Variants in BRIP1 observed in about 807,000 individuals in gnomAD.
The protein encoded by BRIP1 is Fanconi anemia group J protein.
A neutral mutation model predicts 119.7 loss-of-function variants in BRIP1; 88 were observed. That is an observed-to-expected ratio of 0.74 (90% confidence interval 0.62 to 0.88). BRIP1 has a LOEUF of 0.88. BRIP1 is among the 40% of genes least tolerant of loss of function. The probability of loss-of-function intolerance (pLI) is 0.00; values close to 1 mark genes in which losing one functional copy is unlikely to be tolerated. For missense variants in BRIP1, 1,259 were observed against 1,455.4 expected (o/e 0.87, Z 2.20); for synonymous variants, 443 against 496.5 (o/e 0.89, Z 1.43).
intron 14 of BRIP1, among the ~76,000 whole-genome samples, chr17:61,765,379 T>TTCTA (rs2077340503): frequency 2.6e-5 from 1 of 37,740 alleles, no homozygotes; most frequent in Non-Finnish European, 4.5e-5. Context: ...TGTGTATATA[T>TTCTA]TATATATATA....
intron 6 of BRIP1, among the ~76,000 whole-genome samples, chr17:61,837,966 ATTT>A (rs1480415123): frequency 6.6e-6 from 1 of 152,172 alleles, no homozygotes; most frequent in Non-Finnish European, 1.5e-5. Flanking sequence ...AAACTAAATG[ATTT>A]TCATAAAAAC....
At chr17:61,711,732 G>T (rs1001317457) in intron 17 of BRIP1, among the ~76,000 whole-genome samples, 1 of 152,136 alleles carries the variant, frequency 6.6e-6, no homozygotes, top group South Asian at 2.1e-4. Context: ...GCCAGGCGTG[G>T]TGGCATGTGC....
rs2076830062 is a variant in BRIP1 at position 61,730,489 on chromosome 17, C to T, written c.2379+12524G>A. On this transcript the variant is annotated intron_variant, in intron 16 of 19. Coordinates refer to ENST00000259008, the MANE Select transcript of BRIP1 (RefSeq NM_032043.3). The surrounding 1 kb of genome is among the most constrained non-coding windows in gnomAD (Gnocchi z 4.3). Reference sequence around the variant, plus strand: ...CATAAGTAGGTAAGTGTCAATCAACCTTACAAGTCCTCAGGGTGATAATTT... The same window carrying T: ...CATAAGTAGGTAAGTGTCAATCAACTTTACAAGTCCTCAGGGTGATAATTT... Among the ~76,000 whole-genome samples, 1 of 152,126 alleles carries T rather than the reference C, an allele frequency of 6.6e-6. No homozygotes were observed. The highest frequency in any genetic ancestry group is 2.4e-5 in the African/African-American group (1 of 41,404).
At chr17:61,685,407 TA>T (rs2061345734) in intron 19 of BRIP1, 1 of 174,216 alleles carries the variant, frequency 5.7e-6, no homozygotes, top group Admixed American at 5.9e-5. Context: ...AAGTAGTTCA[TA>T]TAGAAGTATC....
intron 5 of BRIP1, 146 bp from the exon 6 acceptor site, chr17:61,847,366 A>T (rs1294728921): frequency 8.2e-6 from 7 of 849,764 alleles, no homozygotes; most frequent in Non-Finnish European, 7.4e-6. Flanking sequence ...AAGAAATTTT[A>T]AAAATGCAAA....
chr17:61,698,026 G>A (rs546746837), intron 17 of BRIP1, among the ~76,000 whole-genome samples: 5 of 152,124 alleles, frequency 3.3e-5, no homozygotes, highest in African/African-American at 7.2e-5. Flanking sequence ...GGCTGGTCTC[G>A]AACTCCTGAC....
At chr17:61,854,605 G>A (rs2078867857) in intron 4 of BRIP1, among the ~76,000 whole-genome samples, 1 of 151,076 alleles carries the variant, frequency 6.6e-6, no homozygotes, top group African/African-American at 2.4e-5. Flanking sequence ...TACTTGGGAG[G>A]CTGAGGCAGG....
intron 6 of BRIP1, 40 bp downstream of exon 6, chr17:61,847,061 T>A (rs781337114): frequency 1.2e-6 from 2 of 1,611,952 alleles, no homozygotes; most frequent in East Asian, 4.5e-5. Context: ...AAATTCCATA[T>A]CTTCCTTCTT....
At chr17:61,835,108 A>G (rs1488542107) in intron 6 of BRIP1, among the ~76,000 whole-genome samples, 2 of 151,794 alleles carry the variant, frequency 1.3e-5, no homozygotes, top group Non-Finnish European at 2.9e-5. Context: ...GGTGGTTCCC[A>G]AATTTTCTCT....
At position 61,700,018 on chromosome 17, in the gene BRIP1, A is replaced by G. The variant is rs1380636169; in HGVS notation, c.2493-6506T>C. ...GCTCCCTAGACTTTGTCCCATGCAC[A>G]TGTTTTGTTCTCTTTGCTGACTGTG... is the stretch of plus-strand genomic sequence containing the variant. On this transcript the variant is annotated intron_variant, in intron 17 of 19. Transcript: ENST00000259008. The surrounding 1 kb of genome is among the most constrained non-coding windows in gnomAD (Gnocchi z 4.1). Among the ~76,000 whole-genome samples, 1 of 152,054 alleles carries G rather than the reference A, an allele frequency of 6.6e-6. No individual in the cohort carries two copies. Among genetic ancestry groups the G allele is most frequent in the Non-Finnish European group, 1.5e-5 (1 of 68,002 alleles).
chr17:61,771,771 C>A (rs1055284147), intron 14 of BRIP1, among the ~76,000 whole-genome samples: 12 of 152,038 alleles, frequency 7.9e-5, no homozygotes, highest in African/African-American at 2.9e-4. Flanking sequence ...ACCAGCCTGG[C>A]CAACATGGTG....
At position 61,684,269 on chromosome 17, in the gene BRIP1, A is replaced by G; in HGVS notation, c.2906-129T>C. On this transcript the variant is annotated intron_variant, in intron 19 of 19. Coordinates refer to ENST00000259008, the MANE Select transcript of BRIP1 (RefSeq NM_032043.3). The surrounding 1 kb of genome is among the most constrained non-coding windows in gnomAD (Gnocchi z 4.5). ...ATACATAACTTAGAGCCCCCAACGA[A>G]TACTAGTGGATTTTCATCTTGGAAC... The G allele has an allele frequency of 9.8e-7, 1 of 1,020,080 alleles. No homozygotes were observed. The highest frequency in any genetic ancestry group is 1.4e-6 in the Non-Finnish European group (1 of 714,764). 63.2% of individuals were successfully genotyped at this position (1,020,080 alleles called of 1,614,324 possible).
In BRIP1 at chr17:61,708,344, G is replaced by A. The variant is rs2061725039; in HGVS notation, c.2492+7607C>T. Among the ~76,000 whole-genome samples, 1 of 152,116 alleles carries A rather than the reference G, an allele frequency of 6.6e-6. No individual in the cohort carries two copies. Among genetic ancestry groups the A allele is most frequent in the Non-Finnish European group, 1.5e-5 (1 of 68,020 alleles). On this transcript the variant is annotated intron_variant, in intron 17 of 19. Transcript: ENST00000259008. This position sits in a 1 kb window ranked among gnomAD's most constrained non-coding sequence, Gnocchi z 4.4. ...CACTCAGGATGTTAATCATCCCTTT[G>A]TCCACCATGTCCATGCTGTATACTC... is the stretch of plus-strand genomic sequence containing the variant.
Position 61,761,727 on chromosome 17 carries a change from T to C in BRIP1, c.2097+14674A>G, listed in dbSNP as rs2077279613. Among the ~76,000 whole-genome samples, 1 of 151,944 alleles carries C rather than the reference T, an allele frequency of 6.6e-6. No individual in the cohort carries two copies. The highest frequency in any genetic ancestry group is 1.5e-5 in the Non-Finnish European group (1 of 67,956). ...CCAAGGTGAAGAAAGGCTTGTACGCTGAAATCTATAAAATGTTGATGAGAG... is the reference window on the plus strand; with the variant it reads ...CCAAGGTGAAGAAAGGCTTGTACGCCGAAATCTATAAAATGTTGATGAGAG... On this transcript the variant is annotated intron_variant, in intron 14 of 19. Coordinates refer to ENST00000259008, the MANE Select transcript of BRIP1 (RefSeq NM_032043.3). This position sits in a 1 kb window ranked among gnomAD's most constrained non-coding sequence, Gnocchi z 6.4.
Position 61,857,016 on chromosome 17 carries a change from CTTATTACAG to C in BRIP1, c.379+33_379+41del, listed in dbSNP as rs1340521190. ...GCTTATAACAGTAATAATTAAGACT[CTTATTACAG>C]ATATCAACTGACCCAGGCAAAATAT... On this transcript the variant is annotated intron_variant, in intron 4 of 19. Transcript: ENST00000259008. The surrounding 1 kb of genome is among the most constrained non-coding windows in gnomAD (Gnocchi z 5.1). The C allele has an allele frequency of 6.4e-7, 1 of 1,559,866 alleles. No homozygotes were observed. Among genetic ancestry groups the C allele is most frequent in the Non-Finnish European group, 8.8e-7 (1 of 1,130,960 alleles).
Position 61,796,966 on chromosome 17 carries a change from A to G in BRIP1, c.1340+2134T>C, listed in dbSNP as rs1268992253. ...TAACTTTTTTACTTGAGGAACTGGT[A>G]CATACTGTTTGCTTAGATGAGGAAG... On this transcript the variant is annotated intron_variant, in intron 9 of 19. Coordinates refer to ENST00000259008, the MANE Select transcript of BRIP1 (RefSeq NM_032043.3). The surrounding 1 kb of genome is among the most constrained non-coding windows in gnomAD (Gnocchi z 4.8). Among the ~76,000 whole-genome samples the G allele has an allele frequency of 6.6e-6, 1 of 152,060 alleles. No individual in the cohort carries two copies. Among genetic ancestry groups the G allele is most frequent in the Non-Finnish European group, 1.5e-5 (1 of 67,950 alleles).
chr17:61,862,487 A>G lies in BRIP1; in HGVS notation c.-31+797T>C, dbSNP rs77737613. On this transcript the variant is annotated intron_variant, in intron 1 of 19. Transcript: ENST00000259008. The surrounding 1 kb of genome is among the most constrained non-coding windows in gnomAD (Gnocchi z 5.3). ...CCTAACCCAGGATCTGATACAGATG[A>G]GGATCACTTTAATCCTCACCTCTTC... is the stretch of plus-strand genomic sequence containing the variant. Among the ~76,000 whole-genome samples the G allele has an allele frequency of 6.4e-3, 980 of 152,334 alleles. 16 individuals are homozygous for G. The highest frequency in any genetic ancestry group is 0.022 in the African/African-American group (923 of 41,570).
In BRIP1 at chr17:61,769,197, A is replaced by G. The variant is rs1175322994; in HGVS notation, c.2097+7204T>C. ...CAGTTGACTCTGCTGGGAGCCTTGT[A>G]ATACACTGAGAAGAAAAACCCAGAT... is the stretch of plus-strand genomic sequence containing the variant. On this transcript the variant is annotated intron_variant, in intron 14 of 19. Coordinates refer to ENST00000259008, the MANE Select transcript of BRIP1 (RefSeq NM_032043.3). The surrounding 1 kb of genome is among the most constrained non-coding windows in gnomAD (Gnocchi z 4.9). Among the ~76,000 whole-genome samples, 1 of 152,192 alleles carries G rather than the reference A, an allele frequency of 6.6e-6. No homozygotes were observed. Among genetic ancestry groups the G allele is most frequent in the African/African-American group, 2.4e-5 (1 of 41,456 alleles).
chr17:61,721,526 C>A (rs1429649605), intron 16 of BRIP1, among the ~76,000 whole-genome samples: 1 of 151,908 alleles, frequency 6.6e-6, no homozygotes, highest in Non-Finnish European at 1.5e-5. Flanking sequence ...GCCTCGGCCT[C>A]CCAAAGTGCT....
Sources: allele counts gnomAD v4.1 joint callset (sites outside exome capture counted in the v4.1 genomes callset), GRCh38; gene constraint gnomAD v4.1.1; non-coding constraint Gnocchi (gnomAD v3.1); transcripts MANE v1.5; gene names NCBI Gene and HGNC (gene_info 2026-07-23, HGNC 2026-07-21).